The following VPS45 variants were observed in gnomAD, a reference collection of about 807,000 sequenced individuals.
VPS45 encodes vacuolar protein sorting-associated protein 45.
A neutral mutation model predicts 75.9 loss-of-function variants in VPS45; 35 were observed. That is an observed-to-expected ratio of 0.46 (90% CI 0.35 to 0.61). The LOEUF (loss-of-function observed/expected upper bound fraction) is 0.61, where lower values mean the gene tolerates loss of function less well. VPS45 is among the 20% of genes least tolerant of loss of function. The pLI is 0.00. For missense variants in VPS45, 559 were observed against 685.9 expected (o/e 0.81, Z 2.07); for synonymous variants, 220 against 238.2 (o/e 0.92, Z 0.70).
At chr1:150,126,849 A>G (rs966746591) in intron 14 of VPS45, among the ~76,000 whole-genome samples, 1 of 152,166 alleles carries the variant, frequency 6.6e-6, no homozygotes, top group Non-Finnish European at 1.5e-5. Flanking sequence ...ACCTGTAATC[A>G]TAGCTACAGG....
intron 13 of VPS45, among the ~76,000 whole-genome samples, chr1:150,102,249 A>AAC (rs1553804599): frequency 6.7e-6 from 1 of 148,264 alleles, no homozygotes; most frequent in Non-Finnish European, 1.5e-5. Flanking sequence ...AAAAAAAAAA[A>AAC]AAAAACAAAC....
At chr1:150,142,729 A>C (rs1399500088) in intron 14 of VPS45, 1 of 347,316 alleles carries the variant, frequency 2.9e-6, no homozygotes, top group Non-Finnish European at 5.8e-6. Flanking sequence ...GCAATGGCAC[A>C]ATCTTGGCTC....
chr1:150,118,831 A>G (rs1201813567), intron 14 of VPS45, among the ~76,000 whole-genome samples: 2 of 152,206 alleles, frequency 1.3e-5, no homozygotes, highest in African/African-American at 4.8e-5. Flanking sequence ...TAAGCAGTAC[A>G]CTGTATTACA....
In VPS45 at chr1:150,128,305, A is replaced by AC. The variant is rs1360506693; in HGVS notation, c.1626-16404_1626-16403insC. Among the ~76,000 whole-genome samples the AC allele has an allele frequency of 2.4e-3, 369 of 151,340 alleles. 2 individuals are homozygous for AC. The highest frequency in any genetic ancestry group is 8.4e-3 in the African/African-American group (346 of 41,040). On this transcript the variant is annotated intron_variant, in intron 14 of 14. Transcript: ENST00000644510. ...TAACAGAATGGGACCCTTGTCTTAAAAAAAAAAAGAAAATTAACTTGATTA... is the reference window on the plus strand; with the variant it reads ...TAACAGAATGGGACCCTTGTCTTAAACAAAAAAAAGAAAATTAACTTGATTA...
chr1:150,126,118 A>G (rs1419364508), intron 14 of VPS45, among the ~76,000 whole-genome samples: 1 of 152,194 alleles, frequency 6.6e-6, no homozygotes, highest in African/African-American at 2.4e-5. Context: ...TGCCAGTAGA[A>G]GGATAAATTA....
chr1:150,118,574 T>C (rs980595157), intron 14 of VPS45, among the ~76,000 whole-genome samples: 1 of 151,830 alleles, frequency 6.6e-6, no homozygotes, highest in African/African-American at 2.4e-5. Context: ...CCTGGCTAAT[T>C]TTTGTATTTT....
chr1:150,108,882 T>C (rs1553806590), intron 13 of VPS45, among the ~76,000 whole-genome samples: 2 of 152,164 alleles, frequency 1.3e-5, no homozygotes, highest in Non-Finnish European at 2.9e-5. Flanking sequence ...CCTCCTGCTG[T>C]GCCCCCGCCC....
At chr1:150,104,894 T>C (rs1490382618) in intron 13 of VPS45, among the ~76,000 whole-genome samples, 1 of 152,014 alleles carries the variant, frequency 6.6e-6, no homozygotes, top group Non-Finnish European at 1.5e-5. Context: ...GGCCCAGCCT[T>C]TTTTCGTTGT....
At chr1:150,133,248 C>T (rs1658915610) in intron 14 of VPS45, among the ~76,000 whole-genome samples, 1 of 151,998 alleles carries the variant, frequency 6.6e-6, no homozygotes, top group Non-Finnish European at 1.5e-5. Flanking sequence ...GAGTCAGTAC[C>T]ACTATAATTA....
chr1:150,088,377 G>T (rs944576105), intron 10 of VPS45, among the ~76,000 whole-genome samples: 14 of 147,480 alleles, frequency 9.5e-5, no homozygotes, highest in South Asian at 2.1e-4. Context: ...AGTCCTCCAG[G>T]TTAATCTGTT....
chr1:150,072,857 C>T (rs1008912919), intron 3 of VPS45, among the ~76,000 whole-genome samples: 1 of 151,476 alleles, frequency 6.6e-6, no homozygotes, highest in Non-Finnish European at 1.5e-5. Flanking sequence ...CCCTGTTTTA[C>T]ACTTAAAAAT....
chr1:150,070,483 T>G (rs1654993294), intron 2 of VPS45, among the ~76,000 whole-genome samples: 1 of 152,132 alleles, frequency 6.6e-6, no homozygotes, highest in Non-Finnish European at 1.5e-5. Flanking sequence ...GTACTGTCTC[T>G]CGAACTCTTT....
At chr1:150,115,291 C>T (rs1479417273) in intron 14 of VPS45, among the ~76,000 whole-genome samples, 2 of 152,104 alleles carry the variant, frequency 1.3e-5, no homozygotes, top group East Asian at 3.9e-4. Flanking sequence ...TTTAGTAATT[C>T]TTTCTTCAGC....
At chr1:150,142,954 C>T (rs1553815704) in intron 14 of VPS45, 1 of 357,406 alleles carries the variant, frequency 2.8e-6, no homozygotes, top group Non-Finnish European at 5.6e-6. Context: ...ACCCGTCCAT[C>T]CAAATAACTT....
intron 14 of VPS45, 34 bp from the exon 15 acceptor site, chr1:150,144,675 T>C: frequency 6.3e-7 from 1 of 1,575,910 alleles, no homozygotes; most frequent in Non-Finnish European, 8.6e-7. Context: ...ATGCTTTTGT[T>C]TTTTCCTTCA....
chr1:150,081,320 T>G, intron 7 of VPS45, 22 bp from the exon 8 acceptor site: 1 of 1,573,608 alleles, frequency 6.4e-7, no homozygotes, highest in Non-Finnish European at 8.6e-7. Flanking sequence ...GTTACCTTTT[T>G]TTTTCATAAT....
chr1:150,117,449 G>A (rs1657998020), intron 14 of VPS45, among the ~76,000 whole-genome samples: 1 of 151,874 alleles, frequency 6.6e-6, no homozygotes, highest in African/African-American at 2.4e-5. Context: ...TTGAACCTGG[G>A]AGGCGGAGGT....
chr1:150,131,690 A>AAAAG (rs1416957046), intron 14 of VPS45, among the ~76,000 whole-genome samples: 1 of 150,142 alleles, frequency 6.7e-6, no homozygotes, highest in Non-Finnish European at 1.5e-5. Flanking sequence ...AAAAAAAAAA[A>AAAAG]GTATTTTTAG....
chr1:150,118,595 G>A (rs1263527075), intron 14 of VPS45, among the ~76,000 whole-genome samples: 53 of 151,958 alleles, frequency 3.5e-4, no homozygotes, highest in Non-Finnish European at 1.2e-4. Flanking sequence ...TGGTAGAGAC[G>A]GGGTTTCACC....
Sources: allele counts gnomAD v4.1 joint callset (sites outside exome capture counted in the v4.1 genomes callset), GRCh38; gene constraint gnomAD v4.1.1; transcripts MANE v1.5; gene names NCBI Gene and HGNC (gene_info 2026-07-23, HGNC 2026-07-21).